Variants in UGP2 observed in about 807,000 individuals in gnomAD.
The protein encoded by UGP2 is UTP--glucose-1-phosphate uridylyltransferase.
UGP2 carries 40 observed loss-of-function variants against 49.0 expected under a neutral mutation model. That is an observed-to-expected ratio of 0.82 (90% CI 0.63 to 1.06). UGP2 has a LOEUF of 1.06. Ranked by LOEUF, UGP2 falls within the 50% of genes least tolerant of loss-of-function variation. The pLI is 0.00. For synonymous variants in UGP2, 225 were observed against 213.0 expected, an observed-to-expected ratio of 1.06 and a Z score of -0.49; for missense variants, 460 against 603.5, an observed-to-expected ratio of 0.76 and a Z score of 2.49.
chr2:63,883,965 G>A lies in UGP2; in HGVS notation c.447G>A (p.Leu149=). The A allele has an allele frequency of 1.2e-6, 2 of 1,602,780 alleles. No individual in the cohort carries two copies. The highest frequency in any genetic ancestry group is 1.7e-6 in the Non-Finnish European group (2 of 1,176,644). ...ATTGTCATTTTCCTCCCTAGCATTT[G>A]AATAAAACCTACAATACAGATGTTC... ...LDLTVQQIEH[L]NKTYNTDVPL... is the part of the protein sequence containing the mutation. The change falls in exon 5 of 10, where the codon TTG becomes TTA. Residue 149 remains leucine, a synonymous_variant. Transcript: ENST00000337130.
intron 3 of UGP2, among the ~76,000 whole-genome samples, chr2:63,867,158 T>C (rs1354184918): frequency 6.6e-6 from 1 of 152,192 alleles, no homozygotes; most frequent in Non-Finnish European, 1.5e-5. Context: ...ATCTGAGAAA[T>C]TACTTCAAGC....
chr2:63,854,325 T>G, intron 1 of UGP2, among the ~76,000 whole-genome samples: 1 of 152,238 alleles, frequency 6.6e-6, no homozygotes, highest in Non-Finnish European at 1.5e-5. Context: ...AATTTTATAT[T>G]GCTAGGCAAT....
At chr2:63,879,298 A>G (rs1671135216) in intron 3 of UGP2, among the ~76,000 whole-genome samples, 1 of 152,160 alleles carries the variant, frequency 6.6e-6, no homozygotes, top group Admixed American at 6.5e-5. Flanking sequence ...CTGTTTTCCA[A>G]CTTATTGAAT....
intron 2 of UGP2, chr2:63,856,965 G>A (rs1174271189): frequency 1.6e-5 from 6 of 381,150 alleles, no homozygotes; most frequent in Non-Finnish European, 3.1e-5. Flanking sequence ...TTCTTTTAGT[G>A]AAGATTAATT....
chr2:63,879,005 TAAA>T (rs567927030), intron 3 of UGP2, among the ~76,000 whole-genome samples: 11 of 141,672 alleles, frequency 7.8e-5, no homozygotes, highest in South Asian at 2.3e-4. Context: ...TCACTGGAGG[TAAA>T]AAAAAAAAAA....
intron 3 of UGP2, among the ~76,000 whole-genome samples, chr2:63,862,424 T>G (rs1575820934): frequency 6.6e-6 from 1 of 152,126 alleles, no homozygotes; most frequent in East Asian, 1.9e-4. Context: ...TGAATTTCCC[T>G]CGGGATTACC....
At chr2:63,878,002 A>C (rs996998567) in intron 3 of UGP2, among the ~76,000 whole-genome samples, 1 of 28,786 alleles carries the variant, frequency 3.5e-5, no homozygotes, top group South Asian at 1.4e-3. Flanking sequence ...TCCGTCTCAA[A>C]AAAAAAAAAA....
intron 3 of UGP2, among the ~76,000 whole-genome samples, chr2:63,865,892 C>A (rs900470790): frequency 6.6e-6 from 1 of 151,916 alleles, no homozygotes; most frequent in Admixed American, 6.6e-5. Context: ...GCTTGCTTAC[C>A]GAAGTCAGTT....
At chr2:63,853,577 T>G (rs1315758772) in intron 1 of UGP2, among the ~76,000 whole-genome samples, 2 of 152,174 alleles carry the variant, frequency 1.3e-5, no homozygotes, top group East Asian at 3.8e-4. Flanking sequence ...TCAACTTCTC[T>G]GTTGCTCTTG....
intron 3 of UGP2, among the ~76,000 whole-genome samples, chr2:63,871,825 C>T (rs1297270463): frequency 6.6e-6 from 1 of 152,096 alleles, no homozygotes; most frequent in African/African-American, 2.4e-5. Context: ...CAGTATGGAG[C>T]TATTTTAGGA....
At chr2:63,886,244 GTATT>G (rs1322800709) in intron 6 of UGP2, 93 bp from the exon 7 acceptor site, 9 of 1,173,298 alleles carry the variant, frequency 7.7e-6, no homozygotes, top group Non-Finnish European at 1.1e-5. Flanking sequence ...TCTACATAAT[GTATT>G]TATATATTTT....
intron 3 of UGP2, 157 bp downstream of exon 3, chr2:63,858,093 C>T (rs1324582656): frequency 1.6e-6 from 1 of 636,906 alleles, no homozygotes; most frequent in East Asian, 2.9e-5. Flanking sequence ...ACTATGGAGA[C>T]AGCCTTCAGC....
intron 1 of UGP2, chr2:63,855,363 C>G (rs1346496413): frequency 9.0e-6 from 4 of 442,226 alleles, no homozygotes; most frequent in Non-Finnish European, 1.8e-5. Context: ...AAGATTGAAT[C>G]AAATACTAAG....
intron 2 of UGP2, 69 bp from the exon 3 acceptor site, chr2:63,857,760 A>G (rs1669545437): frequency 2.1e-6 from 3 of 1,416,650 alleles, no homozygotes; most frequent in East Asian, 4.6e-5. Context: ...TGTAACTTGT[A>G]TCTGTCTTTA....
At position 63,887,279 on chromosome 2, in the gene UGP2, A is replaced by AT. The variant is rs1384112605; in HGVS notation, c.1072-112dup. ...GACTCCTTCTCAAAAAAAAAAAAAA[A>AT]TTTTTTTTTTTCCATCAATGGATCT... is the stretch of plus-strand genomic sequence containing the variant. On this transcript the variant is annotated intron_variant, in intron 7 of 9. Transcript: ENST00000337130. The AT allele has an allele frequency of 6.3e-3, 6,349 of 1,010,880 alleles. 12 individuals carry two copies. The highest frequency in any genetic ancestry group is 0.058 in the East Asian group (1,934 of 33,094). 62.6% of individuals were successfully genotyped at this position (1,010,880 alleles called of 1,614,324 possible).
At chr2:63,882,819 C>A (rs2104352955) in intron 4 of UGP2, 168 bp downstream of exon 4, 2 of 612,972 alleles carry the variant, frequency 3.3e-6, no homozygotes, top group Non-Finnish European at 4.9e-6. Context: ...AAGGGCAAAT[C>A]CTTAAGGTTA....
chr2:63,865,950 C>G (rs967970957), intron 3 of UGP2, among the ~76,000 whole-genome samples: 11 of 152,010 alleles, frequency 7.2e-5, no homozygotes, highest in African/African-American at 2.7e-4. Context: ...GTTATAATGA[C>G]ATAATATAAT....
intron 3 of UGP2, among the ~76,000 whole-genome samples, chr2:63,860,840 G>A: frequency 6.9e-6 from 1 of 145,014 alleles, no homozygotes; most frequent in Non-Finnish European, 1.5e-5. Context: ...CTGGCCTCAA[G>A]TGATCCTCCT....
chr2:63,866,933 T>G (rs1357962609), intron 3 of UGP2, among the ~76,000 whole-genome samples: 1 of 152,236 alleles, frequency 6.6e-6, no homozygotes, highest in East Asian at 1.9e-4. Flanking sequence ...TACAGATTTC[T>G]CGTGGTTCTT....
Sources: gnomAD v4.1 joint callset for allele counts (sites outside exome capture counted in the v4.1 genomes callset) on GRCh38, gnomAD v4.1.1 for gene constraint, MANE v1.5 for transcripts, NCBI Gene and HGNC (gene_info 2026-07-23, HGNC 2026-07-21) for gene names.